Variants in CDH4 observed in about 807,000 individuals in gnomAD.
The protein encoded by CDH4 is cadherin-4.
In CDH4, 33 loss-of-function variants were observed where a neutral mutation model predicts 86.0. The observed-to-expected ratio is 0.38, with a 90% confidence interval of 0.29 to 0.51. CDH4 has a LOEUF of 0.51. Among genes scored for constraint, CDH4 ranks in the 20% least tolerant of loss-of-function variants. CDH4 has a pLI of 0.86. For synonymous variants in CDH4, 555 were observed against 549.4 expected, an observed-to-expected ratio of 1.01 and a Z score of -0.14; for missense variants, 1,114 against 1,307.4, an observed-to-expected ratio of 0.85 and a Z score of 2.28.
chr20:61,806,324 C>T (rs941369574), intron 4 of CDH4, among the ~76,000 whole-genome samples: 41 of 152,114 alleles, frequency 2.7e-4, no homozygotes, highest in African/African-American at 8.2e-4. Flanking sequence ...GGAAGCCTAC[C>T]CAAAGCCTCA....
At chr20:61,489,168 G>C (rs888126605) in intron 2 of CDH4, among the ~76,000 whole-genome samples, 10 of 152,124 alleles carry the variant, frequency 6.6e-5, no homozygotes, top group African/African-American at 2.2e-4. Flanking sequence ...TGAGAAGAGA[G>C]CTTTGCATGT....
At chr20:61,914,047 C>G (rs936703366) in intron 9 of CDH4, among the ~76,000 whole-genome samples, 1 of 152,170 alleles carries the variant, frequency 6.6e-6, no homozygotes, top group African/African-American at 2.4e-5. Context: ...ATGAGTGCTG[C>G]CTGCGAGCCA....
At position 61,841,619 on chromosome 20, in the gene CDH4, G is replaced by C. The variant is rs150112013; in HGVS notation, c.577-3049G>C. The stretch of plus-strand genomic sequence containing the variant: ...CCTTCCCTAGGTCGCTGTCTCTGAA[G>C]TTCTGCTTGGTGTGTGCGGCTCAGG... On this transcript the variant is annotated intron_variant, in intron 4 of 15. Transcript: ENST00000614565. 2.6e-4 allele frequency among the ~76,000 whole-genome samples: 39 copies of C among 152,284 alleles called. No homozygotes were observed. The East Asian group carries it at 7.4e-3, about 29-fold the overall frequency.
At chr20:61,457,596 A>G (rs1418102792) in intron 2 of CDH4, among the ~76,000 whole-genome samples, 1 of 152,094 alleles carries the variant, frequency 6.6e-6, no homozygotes, top group Non-Finnish European at 1.5e-5. Context: ...TACGATGGTC[A>G]TGATCATGAT....
At chr20:61,800,758 A>C (rs1320071271) in intron 4 of CDH4, among the ~76,000 whole-genome samples, 3 of 152,304 alleles carry the variant, frequency 2.0e-5, no homozygotes, top group African/African-American at 7.2e-5. Context: ...ACACACCCCA[A>C]GGGGCCGGGG....
intron 2 of CDH4, among the ~76,000 whole-genome samples, chr20:61,580,661 T>C (rs2086420481): frequency 6.6e-6 from 1 of 152,060 alleles, no homozygotes; most frequent in South Asian, 2.1e-4. Context: ...TTAGCCCCCT[T>C]ATGACTCCTG....
At position 61,681,405 on chromosome 20, in the gene CDH4, G is replaced by T. The variant is rs569367370; in HGVS notation, c.170-62158G>T. 6.6e-6 allele frequency among the ~76,000 whole-genome samples: 1 copy of T among 152,316 alleles called. No individual in the cohort carries two copies. The highest frequency in any genetic ancestry group is 2.4e-5 in the African/African-American group (1 of 41,556). On this transcript the variant is annotated intron_variant, in intron 2 of 15. Transcript: ENST00000614565. This position sits in a 1 kb window ranked among gnomAD's most constrained non-coding sequence, Gnocchi z 4.5. ...AAATCACCCAAAAGGTGACAAAAAT[G>T]GATTAGACAATCCTTGGAACTTTAT...
intron 2 of CDH4, among the ~76,000 whole-genome samples, chr20:61,285,462 G>A (rs191053509): frequency 4.6e-5 from 7 of 152,338 alleles, no homozygotes; most frequent in Non-Finnish European, 1.0e-4. Context: ...CAGCACCCAG[G>A]TATGGAGAAG....
intron 2 of CDH4, among the ~76,000 whole-genome samples, chr20:61,471,858 G>A (rs2085505719): frequency 6.6e-6 from 1 of 150,810 alleles, no homozygotes; most frequent in South Asian, 2.1e-4. Flanking sequence ...TTTCCATTGT[G>A]GTCAGATACT....
chr20:61,278,171 T>C (rs766803804), intron 2 of CDH4, among the ~76,000 whole-genome samples: 2 of 152,224 alleles, frequency 1.3e-5, no homozygotes, highest in Non-Finnish European at 2.9e-5. Flanking sequence ...TCATTGCTTC[T>C]CCTGCCAGCC....
chr20:61,617,799 G>A (rs1207166588), intron 2 of CDH4, among the ~76,000 whole-genome samples: 1 of 152,156 alleles, frequency 6.6e-6, no homozygotes, highest in South Asian at 2.1e-4. Context: ...GGCCTGATAG[G>A]GTTTGGCTGT....
chr20:61,292,379 C>T (rs1018734920), intron 2 of CDH4, among the ~76,000 whole-genome samples: 5 of 152,262 alleles, frequency 3.3e-5, no homozygotes, highest in African/African-American at 1.2e-4. Context: ...GCATCCACCC[C>T]AGTCCTTTTT....
chr20:61,843,874 C>T (rs1424487044), intron 4 of CDH4, among the ~76,000 whole-genome samples: 1 of 152,166 alleles, frequency 6.6e-6, no homozygotes, highest in Non-Finnish European at 1.5e-5. Context: ...TCAGTTTCAC[C>T]TTTCAAATCT....
intron 2 of CDH4, among the ~76,000 whole-genome samples, chr20:61,741,264 G>C (rs969630044): frequency 6.6e-6 from 1 of 152,128 alleles, no homozygotes; most frequent in Non-Finnish European, 1.5e-5. Flanking sequence ...GCCCTGGTGC[G>C]GTCCCCCGGG....
rs556573531 is a variant in CDH4, at chr20:61,758,886, G to T, written c.397-14117G>T. Among the ~76,000 whole-genome samples the T allele has an allele frequency of 6.6e-4, 100 of 152,254 alleles. 1 individual carries two copies. Among genetic ancestry groups the T allele is most frequent in the African/African-American group, 2.3e-3 (96 of 41,574 alleles). On this transcript the variant is annotated intron_variant, in intron 3 of 15. Transcript: ENST00000614565. Reference sequence around the variant, plus strand: ...TTCTAGCACAGTCAGGTTCTGCTTGGGCCGTTAGCTCTCGACTAGAGCTGG... The same window carrying T: ...TTCTAGCACAGTCAGGTTCTGCTTGTGCCGTTAGCTCTCGACTAGAGCTGG...
In CDH4 at chr20:61,516,023, C is replaced by T. The variant is rs1055578881; in HGVS notation, c.170-227540C>T. 6.6e-6 allele frequency among the ~76,000 whole-genome samples: 1 copy of T among 152,126 alleles called. No individual in the cohort carries two copies. Among genetic ancestry groups the T allele is most frequent in the Non-Finnish European group, 1.5e-5 (1 of 68,026 alleles). On this transcript the variant is annotated intron_variant, in intron 2 of 15. Coordinates refer to ENST00000614565, the MANE Select transcript of CDH4 (RefSeq NM_001794.5). This position sits in a 1 kb window ranked among gnomAD's most constrained non-coding sequence, Gnocchi z 4.0. ...AGAACTTCTCCAGCCCCATCTTCCC[C>T]TGGGCTCTGGAACGCCCCCCCAATA... is the stretch of plus-strand genomic sequence containing the variant.
intron 4 of CDH4, among the ~76,000 whole-genome samples, chr20:61,799,774 C>T (rs1261702586): frequency 6.6e-6 from 1 of 152,206 alleles, no homozygotes; most frequent in Non-Finnish European, 1.5e-5. Flanking sequence ...TGGGCCCGGT[C>T]ACAGCGGTAA....
intron 4 of CDH4, among the ~76,000 whole-genome samples, chr20:61,793,587 A>C (rs1979335596): frequency 6.6e-6 from 1 of 151,922 alleles, no homozygotes; most frequent in Non-Finnish European, 1.5e-5. Context: ...CACGCCTGTA[A>C]TCCCAGCACT....
At chr20:61,730,361 G>C (rs549098579) in intron 2 of CDH4, among the ~76,000 whole-genome samples, 206 of 152,236 alleles carry the variant, frequency 1.4e-3, no homozygotes, top group Non-Finnish European at 2.5e-3. Context: ...CACTGTCTCT[G>C]TGGCTTTGCC....
Sources: gnomAD v4.1 joint callset for allele counts (sites outside exome capture counted in the v4.1 genomes callset) on GRCh38, gnomAD v4.1.1 for gene constraint, Gnocchi (gnomAD v3.1) non-coding constraint, MANE v1.5 for transcripts, NCBI Gene and HGNC (gene_info 2026-07-23, HGNC 2026-07-21) for gene names.